The following RAD54B variants were observed in gnomAD, a reference collection of about 807,000 sequenced individuals.
RAD54B encodes the protein DNA repair and recombination protein RAD54B.
Under a neutral mutation model 95.8 loss-of-function variants are expected in RAD54B, and 78 were observed. The ratio of observed to expected loss-of-function variants is 0.81; its 90% CI spans 0.68 to 0.98. RAD54B has a LOEUF of 0.98. RAD54B is among the 50% of genes least tolerant of loss of function. The probability of loss-of-function intolerance (pLI) is 0.00; values close to 1 mark genes in which losing one functional copy is unlikely to be tolerated. For synonymous variants in RAD54B, 328 were observed against 354.9 expected (o/e 0.92, Z 0.85); for missense variants, 957 against 1,056.6 (o/e 0.91, Z 1.31).
rs7824591 is a variant in RAD54B, at chr8:94,411,065, C to T, written c.499+56G>A. ...CCCAATTACATTTCAATTATGTAAC[C>T]GGAGATACATACTAATTTCAGGCCA... On this transcript the variant is annotated intron_variant, in intron 4 of 14. Transcript: ENST00000336148. The T allele has an allele frequency of 0.085, 109,894 of 1,300,292 alleles. 6,319 individuals are homozygous for T. Among genetic ancestry groups the T allele is most frequent in the African/African-American group, 0.26 (17,318 of 66,346 alleles). 80.5% of individuals were successfully genotyped at this position (1,300,292 alleles called of 1,614,324 possible). A position where few individuals can be genotyped will look rare whatever the true frequency, so the allele number is the denominator to read the frequency against.
At chr8:94,419,281 G>A (rs940790461) in intron 3 of RAD54B, among the ~76,000 whole-genome samples, 3 of 152,122 alleles carry the variant, frequency 2.0e-5, no homozygotes, top group Admixed American at 1.3e-4. Context: ...AGGCCAAGGC[G>A]GGTGGATCAC....
chr8:94,434,423 C>CA (rs1027236747), intron 3 of RAD54B, among the ~76,000 whole-genome samples: 10 of 151,530 alleles, frequency 6.6e-5, no homozygotes, highest in African/African-American at 2.4e-4. Context: ...GATCAGTTTA[C>CA]AAAAACACAA....
Position 94,395,901 on chromosome 8 carries a change from C to A in RAD54B, c.1379-2019G>T, listed in dbSNP as rs181915866. ...CGTTGGGTTGTTGTAGCCTGGCCTA[C>A]CTTTAGACTTCCAGTTATATGGGGG... On this transcript the variant is annotated intron_variant, in intron 8 of 14. Coordinates refer to ENST00000336148, the MANE Select transcript of RAD54B (RefSeq NM_012415.3). 1.7e-3 allele frequency among the ~76,000 whole-genome samples: 262 copies of A among 152,302 alleles called. 3 individuals are homozygous for A. The highest frequency in any genetic ancestry group is 6.1e-3 in the African/African-American group (254 of 41,556).
chr8:94,447,281 T>C (rs911613673), intron 3 of RAD54B, among the ~76,000 whole-genome samples: 3 of 152,216 alleles, frequency 2.0e-5, no homozygotes, highest in Non-Finnish European at 2.9e-5. Flanking sequence ...AGCTGTCTAT[T>C]AAGGATCTCT....
intron 2 of RAD54B, among the ~76,000 whole-genome samples, chr8:94,465,437 A>T (rs1813000140): frequency 6.6e-6 from 1 of 152,240 alleles, no homozygotes; most frequent in Non-Finnish European, 1.5e-5. Flanking sequence ...AGGAAATACA[A>T]ATCAGAACCA....
At chr8:94,420,297 C>A in intron 3 of RAD54B, among the ~76,000 whole-genome samples, 1 of 142,426 alleles carries the variant, frequency 7.0e-6, no homozygotes. Flanking sequence ...TCACTGTCAC[C>A]CAGGCTGGAG....
chr8:94,378,121 C>G, intron 14 of RAD54B, 59 bp downstream of exon 14: 1 of 1,253,680 alleles, frequency 8.0e-7, no homozygotes. Context: ...ATATTTTCAA[C>G]TGCTAACAAG....
chr8:94,380,771 A>G (rs1195313379), intron 11 of RAD54B, among the ~76,000 whole-genome samples: 2 of 152,248 alleles, frequency 1.3e-5, no homozygotes, highest in African/African-American at 4.8e-5. Context: ...TGATGCCTAC[A>G]TGCCCAAAGA....
intron 1 of RAD54B, among the ~76,000 whole-genome samples, chr8:94,470,951 G>C (rs1813156265): frequency 6.6e-6 from 1 of 152,084 alleles, no homozygotes; most frequent in Non-Finnish European, 1.5e-5. Flanking sequence ...TTTTTCTCTA[G>C]GCTTTGAACA....
At chr8:94,429,386 A>T (rs1022543864) in intron 3 of RAD54B, 3 of 740,638 alleles carry the variant, frequency 4.1e-6, no homozygotes, top group Non-Finnish European at 4.9e-6. Context: ...AAAGATGTAT[A>T]CTGCACTTTT....
rs181321587 is a variant in RAD54B, at chr8:94,372,081, A to G, written c.*89T>C. On this transcript the variant is annotated 3_prime_UTR_variant, in exon 15 of 15. Coordinates refer to ENST00000336148, the MANE Select transcript of RAD54B (RefSeq NM_012415.3). ...TATTTTGCAACATATACTGTAATTTAAATAATTCTATTAATTTTCAAAAAG... is the reference window on the plus strand; with the variant it reads ...TATTTTGCAACATATACTGTAATTTGAATAATTCTATTAATTTTCAAAAAG... 6.3e-5 allele frequency: 93 copies of G among 1,483,588 alleles called. No individual in the cohort carries two copies. The East Asian group carries it at 2.3e-3, about 36-fold the overall frequency. 91.9% of individuals were successfully genotyped at this position (1,483,588 alleles called of 1,614,324 possible).
At chr8:94,391,530 T>C in intron 10 of RAD54B, 79 bp downstream of exon 10, 2 of 1,407,808 alleles carry the variant, frequency 1.4e-6, no homozygotes, top group East Asian at 2.3e-5. Context: ...CCTCAGAAAT[T>C]AGCCCTGTCT....
intron 3 of RAD54B, among the ~76,000 whole-genome samples, chr8:94,441,450 T>G (rs113994570): frequency 0.014 from 2,163 of 152,212 alleles, 46 homozygotes; most frequent in African/African-American, 0.049. Flanking sequence ...CAGTTTATTA[T>G]AAAGGATATT....
At position 94,372,232 on chromosome 8, in the gene RAD54B, TTTCAA is replaced by T; in HGVS notation, c.2666_2670del (p.Leu889GlnfsTer27). On this transcript the variant is annotated frameshift_variant, in exon 15 of 15. Transcript: ENST00000336148. LOFTEE classifies it high-confidence loss of function. ...ATGAATGACACATTTTCTGTTATTC[TTTCAA>T]GAAAAGGATCTGTAAGATTTAAATG... 6.2e-7 allele frequency: 1 copy of T among 1,612,458 alleles called. No individual in the cohort carries two copies.
chr8:94,422,655 A>AT (rs1811851543), intron 3 of RAD54B, among the ~76,000 whole-genome samples: 1 of 108,446 alleles, frequency 9.2e-6, no homozygotes, highest in Non-Finnish European at 2.0e-5. Context: ...TATATATATA[A>AT]AATTATCAGT....
chr8:94,449,052 A>G (rs931887676), intron 3 of RAD54B, among the ~76,000 whole-genome samples: 65 of 151,764 alleles, frequency 4.3e-4, no homozygotes, highest in Non-Finnish European at 8.1e-4. Flanking sequence ...ATGCATGCAC[A>G]CACACACACA....
chr8:94,406,166 C>A (rs930950183), intron 5 of RAD54B, among the ~76,000 whole-genome samples: 1 of 152,004 alleles, frequency 6.6e-6, no homozygotes, highest in Admixed American at 6.6e-5. Flanking sequence ...CACTCTAAAT[C>A]TCTACGGTGG....
At chr8:94,381,982 T>C (rs762761321) in intron 11 of RAD54B, among the ~76,000 whole-genome samples, 20 of 151,892 alleles carry the variant, frequency 1.3e-4, no homozygotes, top group South Asian at 6.3e-4. Flanking sequence ...GGCATGGTGG[T>C]GGGCGCCTGT....
At chr8:94,416,532 GA>G (rs202151789) in intron 3 of RAD54B, among the ~76,000 whole-genome samples, 17 of 147,640 alleles carry the variant, frequency 1.2e-4, no homozygotes, top group South Asian at 4.3e-4. Context: ...TAAAAAAAAA[GA>G]AAAAAAAATA....
Sources: allele counts gnomAD v4.1 joint callset (sites outside exome capture counted in the v4.1 genomes callset), GRCh38; gene constraint gnomAD v4.1.1; transcripts MANE v1.5; gene names NCBI Gene and HGNC (gene_info 2026-07-23, HGNC 2026-07-21).